CDK3: variants seen among roughly 807,000 people sequenced by gnomAD.
CDK3 encodes the protein cyclin dependent kinase 3.
A neutral mutation model predicts 30.2 loss-of-function variants in CDK3; 24 were observed. That is an observed-to-expected ratio of 0.79 (90% CI 0.57 to 1.12). CDK3 has a LOEUF of 1.12. Ranked by LOEUF, CDK3 falls within the 50% of genes most tolerant of loss-of-function variation. The probability of loss-of-function intolerance (pLI) is 0.00; values close to 1 mark genes in which losing one functional copy is unlikely to be tolerated. For synonymous variants in CDK3, 158 were observed against 154.2 expected (o/e 1.02, Z -0.18); for missense variants, 345 against 376.0 (o/e 0.92, Z 0.68).
At position 76,001,337 on chromosome 17, in the gene CDK3, G is replaced by A. The variant is rs539361720; in HGVS notation, c.-14-75G>A. ...TGGGCTGGGCTGGGCTGGGCAGGGC[G>A]CCACATGGAAGCTGGAGGAGCAACG... On this transcript the variant is annotated intron_variant, in intron 1 of 7. Coordinates refer to ENST00000448471, the MANE Select transcript of CDK3 (RefSeq NM_001258.4). This position sits in a 1 kb window ranked among gnomAD's most constrained non-coding sequence, Gnocchi z 6.2. 2.9e-4 allele frequency: 457 copies of A among 1,590,368 alleles called. No individual in the cohort carries two copies. The highest frequency in any genetic ancestry group is 3.6e-4 in the Non-Finnish European group (423 of 1,170,112).
rs1283468112 is a variant in CDK3 at position 76,001,551 on chromosome 17, G to A, written c.116+10G>A. On this transcript the variant is annotated intron_variant, in intron 2 of 7. Coordinates refer to ENST00000448471, the MANE Select transcript of CDK3 (RefSeq NM_001258.4). This position sits in a 1 kb window ranked among gnomAD's most constrained non-coding sequence, Gnocchi z 6.2. Reference sequence around the variant, plus strand: ...AGATCAGACTGGATTTGTGAGTGCTGGGACGGCCCCTGAGTTACCCACCCT... The same window carrying A: ...AGATCAGACTGGATTTGTGAGTGCTAGGACGGCCCCTGAGTTACCCACCCT... 17 of 1,611,394 alleles carry A rather than the reference G, an allele frequency of 1.1e-5. No homozygotes were observed. Among genetic ancestry groups the A allele is most frequent in the African/African-American group, 2.7e-5 (2 of 74,862 alleles).
rs749688316 is a variant in CDK3 at position 76,005,737 on chromosome 17, CT to C, written c.*315del. ...TGGGTGTGGGTATTCAGGCCCTCAC[CT>C]GCCCTGCCTGCAGGGCCAGACCCTG... On this transcript the variant is annotated 3_prime_UTR_variant, in exon 8 of 8. Transcript: ENST00000448471. The surrounding 1 kb of genome is among the most constrained non-coding windows in gnomAD (Gnocchi z 4.7). 0.013 allele frequency: 3,591 copies of C among 279,580 alleles called. 52 individuals carry two copies. Among genetic ancestry groups the C allele is most frequent in the Middle Eastern group, 0.023 (21 of 894 alleles). 17.3% of individuals were successfully genotyped at this position (279,580 alleles called of 1,614,324 possible). A position where few individuals can be genotyped will look rare whatever the true frequency, so the allele number is the denominator to read the frequency against.
intron 7 of CDK3, among the ~76,000 whole-genome samples, 181 bp downstream of exon 7, chr17:76,003,579 A>G (rs2066281445): frequency 6.6e-6 from 1 of 152,162 alleles, no homozygotes; most frequent in Non-Finnish European, 1.5e-5. Flanking sequence ...TAAGTGCAGT[A>G]TTTATCTTCC....
At chr17:76,004,113 G>T (rs552701281) in intron 7 of CDK3, among the ~76,000 whole-genome samples, 1 of 151,782 alleles carries the variant, frequency 6.6e-6, no homozygotes, top group South Asian at 2.1e-4. Flanking sequence ...AGAACAGGCT[G>T]TTCCCTACTG....
Position 76,002,658 on chromosome 17 carries a change from C to T in CDK3, c.588+46C>T. 1.3e-6 allele frequency: 1 copy of T among 781,348 alleles called. No individual in the cohort carries two copies. The highest frequency in any genetic ancestry group is 2.4e-6 in the Non-Finnish European group (1 of 420,560). 48.4% of individuals were successfully genotyped at this position (781,348 alleles called of 1,614,324 possible). On this transcript the variant is annotated intron_variant, in intron 6 of 7. Coordinates refer to ENST00000448471, the MANE Select transcript of CDK3 (RefSeq NM_001258.4). The surrounding 1 kb of genome is among the most constrained non-coding windows in gnomAD (Gnocchi z 4.3). ...GGCCACAGGGTGCCACAGGCAGGGT[C>T]CTACTGGGGTTGGGTGGGGTCCACT...
rs1014793651 is a variant in CDK3 at position 76,001,288 on chromosome 17, G to A, written c.-14-124G>A. ...GAGCTGGGGTTGGGGTGGCTAGGCCGTGGGCCTTGGGAGCTGGGCAGTCTG... is the reference window on the plus strand; with the variant it reads ...GAGCTGGGGTTGGGGTGGCTAGGCCATGGGCCTTGGGAGCTGGGCAGTCTG... On this transcript the variant is annotated intron_variant, in intron 1 of 7. Transcript: ENST00000448471. The surrounding 1 kb of genome is among the most constrained non-coding windows in gnomAD (Gnocchi z 6.2). 1.1e-5 allele frequency: 17 copies of A among 1,527,546 alleles called. No homozygotes were observed. Among genetic ancestry groups the A allele is most frequent in the Middle Eastern group, 2.2e-4 (1 of 4,572 alleles). 94.6% of individuals were successfully genotyped at this position (1,527,546 alleles called of 1,614,324 possible).
In CDK3 at chr17:76,005,654, G is replaced by A. The variant is rs982873618; in HGVS notation, c.*231G>A. On this transcript the variant is annotated 3_prime_UTR_variant, in exon 8 of 8. Transcript: ENST00000448471. This position sits in a 1 kb window ranked among gnomAD's most constrained non-coding sequence, Gnocchi z 4.7. ...ATAGAGGCACAGATGCTCCATGCAC[G>A]AGGGGTCCCCGGGCACTGGAACAAG... 6 of 482,806 alleles carry A rather than the reference G, an allele frequency of 1.2e-5. No individual in the cohort carries two copies. In the Admixed American group the frequency reaches 2.0e-4, roughly 16 times the overall value. The allele number at this position is 482,806 out of a possible 1,614,324, so 29.9% of individuals were successfully genotyped here. A position where few individuals can be genotyped will look rare whatever the true frequency, so the allele number is the denominator to read the frequency against.
chr17:76,001,952 G>T lies in CDK3; in HGVS notation c.194+1G>T. On this transcript the variant is annotated splice_donor_variant, in intron 3 of 7. Transcript: ENST00000448471. LOFTEE classifies it high-confidence loss of function. The surrounding 1 kb of genome is among the most constrained non-coding windows in gnomAD (Gnocchi z 6.2). ...AACTGAAGCACCCCAACATCGTCCG[G>T]TGAGTTGGGGATTGAGGTGGGGAAG... 1 of 1,613,922 alleles carries T rather than the reference G, an allele frequency of 6.2e-7. No homozygotes were observed. The highest frequency in any genetic ancestry group is 8.5e-7 in the Non-Finnish European group (1 of 1,179,838).
In CDK3 at chr17:76,005,282, CCTT is replaced by C. The variant is rs1361586726; in HGVS notation, c.793-12_793-10del. 3.1e-6 allele frequency: 5 copies of C among 1,612,930 alleles called. No individual in the cohort carries two copies. The highest frequency in any genetic ancestry group is 4.2e-6 in the Non-Finnish European group (5 of 1,179,260). ...GGCTGCACCCAGACCACATCTTCTT[CCTT>C]CTTTCTTCCTAGCAACTCCTGCAGT... is the stretch of plus-strand genomic sequence containing the variant. On this transcript the variant is annotated splice_polypyrimidine_tract_variant and intron_variant, in intron 7 of 7. Transcript: ENST00000448471. The surrounding 1 kb of genome is among the most constrained non-coding windows in gnomAD (Gnocchi z 4.7).
Position 76,002,081 on chromosome 17 carries a change from A to G in CDK3, c.254A>G (p.Gln85Arg), listed in dbSNP as rs536521071. 5 of 1,614,010 alleles carry G rather than the reference A, an allele frequency of 3.1e-6. No individual in the cohort carries two copies. The highest frequency in any genetic ancestry group is 3.3e-4 in the Middle Eastern group (2 of 6,062). ...TATCTGGTGTTTGAGTTCCTCAGCC[A>G]GGACCTGAAGAAGTACATGGACTCC... ...KLYLVFEFLS[Q>R]DLKKYMDSTP... Residue 85 changes from glutamine (Q) to arginine (R), a missense_variant, in exon 4 of 8, where the codon CAG becomes CGG. Physicochemically the swap from Gln to Arg is conservative, Grantham distance 43. Transcript: ENST00000448471. The surrounding 1 kb of genome is among the most constrained non-coding windows in gnomAD (Gnocchi z 4.3).
rs774202113 is a variant in CDK3, at chr17:76,001,391, C to G, written c.-14-21C>G. ...GCGCTGGGCGTGGGGTGCAAATTGC[C>G]CGGTGCCTTCTGTTTCCCAGGCAGC... On this transcript the variant is annotated intron_variant, in intron 1 of 7. Coordinates refer to ENST00000448471, the MANE Select transcript of CDK3 (RefSeq NM_001258.4). The surrounding 1 kb of genome is among the most constrained non-coding windows in gnomAD (Gnocchi z 6.2). 3 of 1,613,650 alleles carry G rather than the reference C, an allele frequency of 1.9e-6. No homozygotes were observed. The highest frequency in any genetic ancestry group is 2.5e-6 in the Non-Finnish European group (3 of 1,179,858).
rs2066252133 is a variant in CDK3 at position 76,000,889 on chromosome 17, G to T, written c.-93G>T. The stretch of plus-strand genomic sequence containing the variant: ...TGACCCCTGACCTCTGCCCCCAGTG[G>T]CCCTGGCCCCTGGGCAGCCCTTCCT... On this transcript the variant is annotated 5_prime_UTR_variant, in exon 1 of 8. Coordinates refer to ENST00000448471, the MANE Select transcript of CDK3 (RefSeq NM_001258.4). This position sits in a 1 kb window ranked among gnomAD's most constrained non-coding sequence, Gnocchi z 5.9. 3 of 1,055,332 alleles carry T rather than the reference G, an allele frequency of 2.8e-6. No individual in the cohort carries two copies. In the Admixed American group the frequency reaches 1.5e-4, roughly 53 times the overall value. The allele number at this position is 1,055,332 out of a possible 1,614,324, so 65.4% of individuals were successfully genotyped here. A position where few individuals can be genotyped will look rare whatever the true frequency, so the allele number is the denominator to read the frequency against.
At position 76,002,835 on chromosome 17, in the gene CDK3, A is replaced by C. The variant is rs2066274144; in HGVS notation, c.588+223A>C. On this transcript the variant is annotated intron_variant, in intron 6 of 7. Transcript: ENST00000448471. The surrounding 1 kb of genome is among the most constrained non-coding windows in gnomAD (Gnocchi z 4.3). Reference sequence around the variant, plus strand: ...GCAACGTAACAAATCCCCAGCTCTTAAAAAACTACAAAAATTAGCTGGGTG... The same window carrying C: ...GCAACGTAACAAATCCCCAGCTCTTCAAAAACTACAAAAATTAGCTGGGTG... 1.8e-6 allele frequency: 1 copy of C among 551,494 alleles called. No individual in the cohort carries two copies. Among genetic ancestry groups the C allele is most frequent in the Non-Finnish European group, 3.3e-6 (1 of 307,386 alleles). 34.2% of individuals were successfully genotyped at this position (551,494 alleles called of 1,614,324 possible). A position where few individuals can be genotyped will look rare whatever the true frequency, so the allele number is the denominator to read the frequency against.
rs1474945238 is a variant in CDK3 at position 76,002,266 on chromosome 17, C to T, written c.334C>T (p.Leu112=). ...TCTCCAGAGCTACCTCTTCCAGCTG[C>T]TGCAGGGGGTGAGTTTCTGCCACTC... ...HLIKSYLFQL[L]QGVSFCHSHR... Residue 112 remains leucine, a synonymous_variant, in exon 5 of 8, where the codon CTG becomes TTG. Transcript: ENST00000448471. This position sits in a 1 kb window ranked among gnomAD's most constrained non-coding sequence, Gnocchi z 4.3. 26 of 1,611,814 alleles carry T rather than the reference C, an allele frequency of 1.6e-5. No homozygotes were observed. The highest frequency in any genetic ancestry group is 2.2e-5 in the Non-Finnish European group (26 of 1,179,966).
Position 76,005,280 on chromosome 17 carries a change from T to C in CDK3, c.793-18T>C. On this transcript the variant is annotated intron_variant, in intron 7 of 7. Coordinates refer to ENST00000448471, the MANE Select transcript of CDK3 (RefSeq NM_001258.4). The surrounding 1 kb of genome is among the most constrained non-coding windows in gnomAD (Gnocchi z 4.7). ...CTGGCTGCACCCAGACCACATCTTCTTCCTTCTTTCTTCCTAGCAACTCCT... is the reference window on the plus strand; with the variant it reads ...CTGGCTGCACCCAGACCACATCTTCCTCCTTCTTTCTTCCTAGCAACTCCT... 6.2e-7 allele frequency: 1 copy of C among 1,612,712 alleles called. No homozygotes were observed. Among genetic ancestry groups the C allele is most frequent in the Non-Finnish European group, 8.5e-7 (1 of 1,179,152 alleles).
chr17:76,003,401 A>G lies in CDK3; in HGVS notation c.792+3A>G, dbSNP rs2066279409. 1.9e-6 allele frequency: 3 copies of G among 1,611,636 alleles called. No homozygotes were observed. In the African/African-American group the frequency reaches 4.0e-5, roughly 22 times the overall value. ...CAGAGGGCAGGGACCTGCTCATGGTAGGTGCATGTGGGCTCCAGCTGCTGC... is the reference window on the plus strand; with the variant it reads ...CAGAGGGCAGGGACCTGCTCATGGTGGGTGCATGTGGGCTCCAGCTGCTGC... On this transcript the variant is annotated splice_donor_region_variant and intron_variant, in intron 7 of 7. Transcript: ENST00000448471.
rs1186378745 is a variant in CDK3 at position 76,001,973 on chromosome 17, G to A, written c.194+22G>A. 4.3e-6 allele frequency: 7 copies of A among 1,613,926 alleles called. No homozygotes were observed. The highest frequency in any genetic ancestry group is 2.5e-6 in the Non-Finnish European group (3 of 1,179,852). ...TCCGGTGAGTTGGGGATTGAGGTGG[G>A]GAAGCTGGGATGGCGAAGGTAGCAT... On this transcript the variant is annotated intron_variant, in intron 3 of 7. Coordinates refer to ENST00000448471, the MANE Select transcript of CDK3 (RefSeq NM_001258.4). This position sits in a 1 kb window ranked among gnomAD's most constrained non-coding sequence, Gnocchi z 6.2.
chr17:76,002,392 G>T lies in CDK3; in HGVS notation c.460G>T (p.Val154Leu). The T allele has an allele frequency of 6.2e-7, 1 of 1,612,476 alleles. No individual in the cohort carries two copies. The highest frequency in any genetic ancestry group is 8.5e-7 in the Non-Finnish European group (1 of 1,179,954). Reference protein sequence around the residue: ...ADFGLARAFGVPLRTYTHEVV... With the variant: ...ADFGLARAFGLPLRTYTHEVV... ...CTTCGGCCTGGCTCGCGCCTTCGGG[G>T]TGCCCCTGCGCACCTACACCCATGA... Residue 154 changes from valine (V) to leucine (L), a missense_variant, in exon 5 of 8, where the codon GTG (valine) becomes TTG (leucine). Coordinates refer to ENST00000448471, the MANE Select transcript of CDK3 (RefSeq NM_001258.4). This position sits in a 1 kb window ranked among gnomAD's most constrained non-coding sequence, Gnocchi z 4.3.
rs2066304478 is a variant in CDK3, at chr17:76,005,307, C to T, written c.802C>T (p.Gln268Ter). ...EGRDLLMQLL[Q>*]YDPSQRITAK... The stretch of plus-strand genomic sequence containing the variant: ...CCTTCTTTCTTCCTAGCAACTCCTG[C>T]AGTATGACCCCAGCCAGCGGATCAC... The change falls in exon 8 of 8, where the codon CAG becomes TAG. Residue 268 changes from glutamine to a stop codon, truncating the protein, a stop_gained. Transcript: ENST00000448471. LOFTEE classifies it low-confidence loss of function (END_TRUNC). This position sits in a 1 kb window ranked among gnomAD's most constrained non-coding sequence, Gnocchi z 4.7. 1.2e-6 allele frequency: 2 copies of T among 1,613,824 alleles called. No homozygotes were observed. Among genetic ancestry groups the T allele is most frequent in the Non-Finnish European group, 1.7e-6 (2 of 1,179,912 alleles).
Sources: gnomAD v4.1 joint callset for allele counts (sites outside exome capture counted in the v4.1 genomes callset) on GRCh38, gnomAD v4.1.1 for gene constraint, Gnocchi (gnomAD v3.1) non-coding constraint, MANE v1.5 for transcripts, NCBI Gene and HGNC (gene_info 2026-07-23, HGNC 2026-07-21) for gene names.